NCKAP5: variants seen among roughly 807,000 people sequenced by gnomAD.
NCKAP5 encodes the protein nck-associated protein 5.
NCKAP5 carries 92 observed loss-of-function variants against 167.0 expected under a neutral mutation model. That is an observed-to-expected ratio of 0.55 (90% CI 0.47 to 0.66). NCKAP5 has a LOEUF of 0.66. NCKAP5 is among the 30% of genes least tolerant of loss of function. The pLI is 0.00. For synonymous variants in NCKAP5, 891 were observed against 877.4 expected (o/e 1.02, Z -0.27); for missense variants, 2,378 against 2,315.0 (o/e 1.03, Z -0.56).
At chr2:133,273,794 T>G (rs1286878126) in intron 4 of NCKAP5, among the ~76,000 whole-genome samples, 1 of 139,338 alleles carries the variant, frequency 7.2e-6, no homozygotes, top group African/African-American at 2.6e-5. Context: ...ATCTATTAAT[T>G]TCCAAAAAAA....
intron 3 of NCKAP5, among the ~76,000 whole-genome samples, chr2:133,473,122 A>C (rs934174167): frequency 1.2e-4 from 19 of 152,310 alleles, no homozygotes; most frequent in African/African-American, 4.6e-4. Context: ...TCATGAGGTC[A>C]GGAGATCGAG....
chr2:133,189,458 A>G (rs2085107624), intron 5 of NCKAP5, among the ~76,000 whole-genome samples: 1 of 141,654 alleles, frequency 7.1e-6, no homozygotes, highest in Non-Finnish European at 1.6e-5. Flanking sequence ...TCCTGACACC[A>G]AAGCCTGGCA....
chr2:133,242,119 CAAAAAAAAAAAA>C (rs1176776551), intron 4 of NCKAP5, among the ~76,000 whole-genome samples: 1 of 48,280 alleles, frequency 2.1e-5, no homozygotes, highest in South Asian at 7.7e-4. Flanking sequence ...AACTCTGTCT[CAAAAAAAAAAAA>C]AAAAAAAAAA....
chr2:133,060,882 T>C (rs2079975389), intron 6 of NCKAP5, among the ~76,000 whole-genome samples: 1 of 152,150 alleles, frequency 6.6e-6, no homozygotes, highest in African/African-American at 2.4e-5. Context: ...TCATTCAGGC[T>C]GCTCTCCTCC....
intron 2 of NCKAP5, among the ~76,000 whole-genome samples, chr2:133,548,522 C>T (rs887641470): frequency 5.3e-5 from 8 of 151,716 alleles, no homozygotes; most frequent in African/African-American, 1.5e-4. Context: ...AGACTAACAG[C>T]GGATCTCTCG....
intron 3 of NCKAP5, among the ~76,000 whole-genome samples, chr2:133,444,389 T>C (rs1691056644): frequency 6.6e-6 from 1 of 151,022 alleles, no homozygotes; most frequent in Admixed American, 6.6e-5. Context: ...GATAGATAGA[T>C]AGATAGATAG....
intron 3 of NCKAP5, among the ~76,000 whole-genome samples, chr2:133,310,212 C>CTA (rs1681133861): frequency 6.6e-6 from 1 of 152,222 alleles, no homozygotes; most frequent in Non-Finnish European, 1.5e-5. Context: ...TGTCTCATAA[C>CTA]TAACTGGCAT....
the NCKAP5 span, among the ~76,000 whole-genome samples, chr2:133,632,210 A>G: frequency 6.6e-6 from 1 of 152,236 alleles, no homozygotes; most frequent in African/African-American, 2.4e-5. Context: ...ATGCAGCCAC[A>G]TGGTATGCCC....
At chr2:133,391,926 T>C (rs1209298498) in intron 3 of NCKAP5, among the ~76,000 whole-genome samples, 1 of 152,176 alleles carries the variant, frequency 6.6e-6, no homozygotes, top group African/African-American at 2.4e-5. Context: ...GAGACCAAGA[T>C]TGCTATCACA....
intron 2 of NCKAP5, among the ~76,000 whole-genome samples, chr2:133,547,254 G>A (rs1316764548): frequency 6.6e-6 from 1 of 152,190 alleles, no homozygotes; most frequent in Non-Finnish European, 1.5e-5. Context: ...CTGACTGCTA[G>A]CACAGCAGTC....
At chr2:133,499,774 A>G (rs1682326106) in intron 3 of NCKAP5, among the ~76,000 whole-genome samples, 2 of 152,090 alleles carry the variant, frequency 1.3e-5, no homozygotes. Context: ...AGGCCAGACT[A>G]GTCTCGAACT....
intron 16 of NCKAP5, among the ~76,000 whole-genome samples, chr2:132,756,021 T>C (rs1680525501): frequency 6.6e-6 from 1 of 152,038 alleles, no homozygotes; most frequent in Non-Finnish European, 1.5e-5. Context: ...ATTTGGCAGA[T>C]GAGGAATTGG....
intron 1 of NCKAP5, among the ~76,000 whole-genome samples, chr2:133,562,683 C>T (rs972853520): frequency 2.0e-5 from 3 of 152,200 alleles, no homozygotes; most frequent in African/African-American, 4.8e-5. Flanking sequence ...TGGGCTTCTA[C>T]AATGCATCCA....
chr2:133,605,077 T>G, the NCKAP5 span, among the ~76,000 whole-genome samples: 102 of 152,262 alleles, frequency 6.7e-4, no homozygotes, highest in African/African-American at 2.2e-3. Flanking sequence ...TAATACAGAT[T>G]TATCTACCTC....
chr2:133,511,151 C>A (rs932450413), intron 3 of NCKAP5, among the ~76,000 whole-genome samples: 2 of 152,204 alleles, frequency 1.3e-5, no homozygotes, highest in African/African-American at 4.8e-5. Context: ...CTGCTTGGAC[C>A]TAGTCTACTT....
chr2:133,177,504 C>T (rs1409694777), intron 5 of NCKAP5, among the ~76,000 whole-genome samples: 1 of 152,108 alleles, frequency 6.6e-6, no homozygotes, highest in African/African-American at 2.4e-5. Flanking sequence ...TCTCAGAATG[C>T]AAACATGGAT....
intron 4 of NCKAP5, among the ~76,000 whole-genome samples, chr2:133,297,354 A>T (rs1297555089): frequency 6.6e-6 from 1 of 152,202 alleles, no homozygotes; most frequent in East Asian, 1.9e-4. Flanking sequence ...TGTTGCTATC[A>T]AAAAGACAAT....
intron 10 of NCKAP5, among the ~76,000 whole-genome samples, chr2:132,865,107 C>A (rs1429671656): frequency 6.6e-6 from 1 of 152,058 alleles, no homozygotes; most frequent in African/African-American, 2.4e-5. Context: ...TTATCTCTGC[C>A]CCAAATGCTA....
intron 16 of NCKAP5, among the ~76,000 whole-genome samples, chr2:132,757,593 CCA>C (rs1559017145): frequency 1.3e-5 from 2 of 152,214 alleles, no homozygotes. Flanking sequence ...CCACAATTTG[CCA>C]CAGTCCTCAC....
Sources: gnomAD v4.1 joint callset for allele counts (sites outside exome capture counted in the v4.1 genomes callset) on GRCh38, gnomAD v4.1.1 for gene constraint, MANE v1.5 for transcripts, NCBI Gene and HGNC (gene_info 2026-07-23, HGNC 2026-07-21) for gene names.